CCDC121: variants seen among roughly 807,000 people sequenced by gnomAD.
The protein encoded by CCDC121 is coiled-coil domain containing 121.
For missense variants in CCDC121, 238 were observed against 304.1 expected, an observed-to-expected ratio of 0.78 and a Z score of 1.62; for synonymous variants, 108 against 120.0, an observed-to-expected ratio of 0.90 and a Z score of 0.65.
intron 1 of CCDC121, 112 bp downstream of exon 1, chr2:27,628,838 C>T: frequency 6.8e-7 from 1 of 1,472,396 alleles, no homozygotes; most frequent in Non-Finnish European, 9.0e-7. Context: ...TAGCTCCCTT[C>T]AGCCTTCCTC....
In CCDC121 at chr2:27,628,974, G is replaced by A. The variant is rs775337781; in HGVS notation, c.-143C>T. 3 of 1,585,114 alleles carry A rather than the reference G, an allele frequency of 1.9e-6. No individual in the cohort carries two copies. Among genetic ancestry groups the A allele is most frequent in the Non-Finnish European group, 2.6e-6 (3 of 1,165,264 alleles). On this transcript the variant is annotated 5_prime_UTR_variant, in exon 1 of 2. Coordinates refer to ENST00000324364, the MANE Select transcript of CCDC121 (RefSeq NM_024584.5). ...CCCGCTCCTTTCTGACGCTGTGGTG[G>A]TTTTCGTTCGCAGCCCAGAACATTG...
At position 27,628,627 on chromosome 2, in the gene CCDC121, T is replaced by G. The variant is rs1360765870; in HGVS notation, c.-119+323A>C. On this transcript the variant is annotated intron_variant, in intron 1 of 1. Coordinates refer to ENST00000324364, the MANE Select transcript of CCDC121 (RefSeq NM_024584.5). ...AGTCCCGGCTGGTCCAGCCCTGAACTGTTTAACCGCCTCGGCTACCGAATA... is the reference window on the plus strand; with the variant it reads ...AGTCCCGGCTGGTCCAGCCCTGAACGGTTTAACCGCCTCGGCTACCGAATA... 4.3e-5 allele frequency: 66 copies of G among 1,551,320 alleles called. No individual in the cohort carries two copies. Among genetic ancestry groups the G allele is most frequent in the Non-Finnish European group, 5.7e-5 (65 of 1,146,800 alleles).
intron 1 of CCDC121, among the ~76,000 whole-genome samples, 169 bp from the exon 2 acceptor site, chr2:27,628,086 G>C (rs1229782357): frequency 2.0e-5 from 3 of 152,158 alleles, no homozygotes; most frequent in African/African-American, 7.2e-5. Context: ...AATGTAGCTC[G>C]TCATTTACAA....
Position 27,627,794 on chromosome 2 carries a change from C to T in CCDC121, c.6G>A (p.Thr2=), listed in dbSNP as rs780680207. M[T]DLNKHIKQAQ... is the part of the protein sequence containing the mutation. ...CTTGTTTTATATGCTTGTTCAGATC[C>T]GTCATTTCCGCCACTATCTTTTCTT... is the stretch of plus-strand genomic sequence containing the variant. The change falls in exon 2 of 2, where the codon ACG becomes ACA. Residue 2 remains threonine (T), a synonymous_variant. Coordinates refer to ENST00000324364, the MANE Select transcript of CCDC121 (RefSeq NM_024584.5). 1.2e-6 allele frequency: 2 copies of T among 1,613,432 alleles called. No individual in the cohort carries two copies. The highest frequency in any genetic ancestry group is 2.7e-5 in the African/African-American group (2 of 74,830).
Position 27,627,885 on chromosome 2 carries a change from G to A in CCDC121, c.-86C>T, listed in dbSNP as rs762903530. ...AAAATTATTTATTAGACTATGATAC[G>A]GTGGAAGGAGCCTTCTGGGGCCCTC... On this transcript the variant is annotated 5_prime_UTR_variant, in exon 2 of 2. Transcript: ENST00000324364. 2.5e-6 allele frequency: 4 copies of A among 1,613,566 alleles called. No individual in the cohort carries two copies. Among genetic ancestry groups the A allele is most frequent in the Admixed American group, 3.3e-5 (2 of 59,970 alleles).
rs552420829 is a variant in CCDC121 at position 27,626,703 on chromosome 2, G to A, written c.*260C>T. ...AGTTTGATGTATGGTAAATGGCTAG[G>A]TTAGGGTCATGTGTTAGGTTAACTG... On this transcript the variant is annotated 3_prime_UTR_variant, in exon 2 of 2. Coordinates refer to ENST00000324364, the MANE Select transcript of CCDC121 (RefSeq NM_024584.5). The A allele has an allele frequency of 2.4e-5, 9 of 377,960 alleles. No homozygotes were observed. Among genetic ancestry groups the A allele is most frequent in the African/African-American group, 1.7e-4 (8 of 48,360 alleles). 23.4% of individuals were successfully genotyped at this position (377,960 alleles called of 1,614,324 possible).
Position 27,627,570 on chromosome 2 carries a change from G to C in CCDC121, c.230C>G (p.Ser77Cys). 1 of 1,614,122 alleles carries C rather than the reference G, an allele frequency of 6.2e-7. No individual in the cohort carries two copies. The highest frequency in any genetic ancestry group is 8.5e-7 in the Non-Finnish European group (1 of 1,180,010). ...EIERRRQESA[S>C]RYAEQISVLK... is the part of the protein sequence containing the mutation. ...CACTGAAATTTGTTCTGCATATCTG[G>C]AGGCTGATTCTTGTCTTCTTCGTTC... Residue 77 changes from serine to cysteine, a missense_variant, in exon 2 of 2, where the codon TCC becomes TGC. Coordinates refer to ENST00000324364, the MANE Select transcript of CCDC121 (RefSeq NM_024584.5).
chr2:27,627,089 C>T lies in CCDC121; in HGVS notation c.711G>A (p.Leu237=), dbSNP rs539849875. ...TCTGCCTCGCCTGGATTAAGGACTC[C>T]AGATACCACTGTTCCTGCTGCAGCT... is the stretch of plus-strand genomic sequence containing the variant. ...KQQLQQEQWY[L]ESLIQARQRL... is the part of the protein sequence containing the mutation. Residue 237 remains leucine (L), a synonymous_variant, in exon 2 of 2, where the codon CTG becomes CTA. Coordinates refer to ENST00000324364, the MANE Select transcript of CCDC121 (RefSeq NM_024584.5). 16 of 1,614,146 alleles carry T rather than the reference C, an allele frequency of 9.9e-6. No individual in the cohort carries two copies. The highest frequency in any genetic ancestry group is 2.2e-5 in the South Asian group (2 of 91,078).
In CCDC121 at chr2:27,628,531, CGTA is replaced by C. The variant is rs1269889769; in HGVS notation, c.-119+416_-119+418del. ...ACAATGTGCAAGTGTGGAAAGCTCC[CGTA>C]GTTTATTCGTTCGGTGCTCAAAGGG... On this transcript the variant is annotated intron_variant, in intron 1 of 1. Transcript: ENST00000324364. The C allele has an allele frequency of 1.2e-5, 18 of 1,551,448 alleles. No individual in the cohort carries two copies. In the African/African-American group the frequency reaches 1.6e-4, roughly 14 times the overall value.
At position 27,627,413 on chromosome 2, in the gene CCDC121, CTT is replaced by C. The variant is rs745427872; in HGVS notation, c.385_386del (p.Lys129GlufsTer5). 1.9e-6 allele frequency: 3 copies of C among 1,614,162 alleles called. No homozygotes were observed. In the South Asian group the frequency reaches 3.3e-5, roughly 18 times the overall value. ...KEIQTLQEET[K>X]KVQAETASKT... ...TTGAAGCTGTCTCAGCTTGGACTTT[CTT>C]TGTCTCCTCCTGTAATGTCTGTATT... On this transcript the variant is annotated frameshift_variant, in exon 2 of 2. Coordinates refer to ENST00000324364, the MANE Select transcript of CCDC121 (RefSeq NM_024584.5). LOFTEE classifies it low-confidence loss of function (END_TRUNC).
chr2:27,627,473 G>A lies in CCDC121; in HGVS notation c.327C>T (p.Asp109=). 4 of 1,614,064 alleles carry A rather than the reference G, an allele frequency of 2.5e-6. No individual in the cohort carries two copies. The highest frequency in any genetic ancestry group is 1.7e-5 in the Admixed American group (1 of 60,018). The change falls in exon 2 of 2, where the codon GAC becomes GAT. Residue 109 remains aspartate (D), a synonymous_variant. Coordinates refer to ENST00000324364, the MANE Select transcript of CCDC121 (RefSeq NM_024584.5). ...CCTGCTTTTCCTTTAATATAGCAAT[G>A]TCCCTCATTGCCTGCAACTTCCGCT... The part of the protein sequence containing the change: ...SLKRKLQAMR[D]IAILKEKQEK...
chr2:27,628,191 C>A (rs13431597), intron 1 of CCDC121: 13 of 638,858 alleles, frequency 2.0e-5, no homozygotes, highest in Non-Finnish European at 3.5e-5. Context: ...ATGACTCACA[C>A]CACTAGCAAG....
chr2:27,627,696 T>G lies in CCDC121; in HGVS notation c.104A>C (p.Glu35Ala). The G allele has an allele frequency of 6.2e-7, 1 of 1,613,998 alleles. No individual in the cohort carries two copies. Among genetic ancestry groups the G allele is most frequent in the Non-Finnish European group, 8.5e-7 (1 of 1,180,012 alleles). ...CAGGTATTCCAGAAAGAATCTGTTT[T>G]CAGCCTGGACAAGTAACTTTTCTCG... ...LHREKLLVQAENRFFLEYLTN... is the reference protein window; with the variant it reads ...LHREKLLVQAANRFFLEYLTN... Residue 35 changes from glutamate (E) to alanine (A), a missense_variant, in exon 2 of 2, where the codon GAA (glutamate) becomes GCA (alanine). Physicochemically the swap from Glu to Ala is moderately radical, Grantham distance 107. Transcript: ENST00000324364.
chr2:27,627,833 T>C lies in CCDC121; in HGVS notation c.-34A>G, dbSNP rs1450973969. 1 of 1,614,240 alleles carries C rather than the reference T, an allele frequency of 6.2e-7. No individual in the cohort carries two copies. Among genetic ancestry groups the C allele is most frequent in the Admixed American group, 1.7e-5 (1 of 60,030 alleles). On this transcript the variant is annotated 5_prime_UTR_variant, in exon 2 of 2. Transcript: ENST00000324364. ...CTATCTTTTCTTTAAGCCTTGTCTC[T>C]ACCTTTGTTAGCTTCTCTGGCTTGA... is the stretch of plus-strand genomic sequence containing the variant.
rs1357190613 is a variant in CCDC121, at chr2:27,626,934, T to G, written c.*29A>C. 4 of 1,496,666 alleles carry G rather than the reference T, an allele frequency of 2.7e-6. No individual in the cohort carries two copies. Among genetic ancestry groups the G allele is most frequent in the Non-Finnish European group, 3.7e-6 (4 of 1,094,836 alleles). 92.7% of individuals were successfully genotyped at this position (1,496,666 alleles called of 1,614,324 possible). On this transcript the variant is annotated 3_prime_UTR_variant, in exon 2 of 2. Coordinates refer to ENST00000324364, the MANE Select transcript of CCDC121 (RefSeq NM_024584.5). ...TAGCACTTAAGAGTACTTGCTCCAGTTCTTATTTAATCAGTGTTATTTTAG... is the reference window on the plus strand; with the variant it reads ...TAGCACTTAAGAGTACTTGCTCCAGGTCTTATTTAATCAGTGTTATTTTAG...
In CCDC121 at chr2:27,627,603, C is replaced by T; in HGVS notation, c.197G>A (p.Gly66Glu). The change falls in exon 2 of 2, where the codon GGA (glycine) becomes GAA (glutamate). Residue 66 changes from glycine (G) to glutamate (E), a missense_variant. Transcript: ENST00000324364. ...KVWNSYLQKS[G>E]EIERRRQESA... ...TTCTTGTCTTCTTCGTTCAATCTCT[C>T]CACTTTTTTGTAAATAGCTGTTCCA... is the stretch of plus-strand genomic sequence containing the variant. 4.3e-6 allele frequency: 7 copies of T among 1,614,134 alleles called. No individual in the cohort carries two copies. The highest frequency in any genetic ancestry group is 5.9e-6 in the Non-Finnish European group (7 of 1,180,036).
chr2:27,626,390 G>T lies in CCDC121; in HGVS notation c.*573C>A, dbSNP rs1673279376. On this transcript the variant is annotated 3_prime_UTR_variant, in exon 2 of 2. Transcript: ENST00000324364. ...GTAGGGGCTTAGCATCAGATGAAAG[G>T]TCACTCTGCCTAGCACTTACTGGAC... The T allele has an allele frequency of 6.6e-6, 1 of 152,298 alleles. No homozygotes were observed. Among genetic ancestry groups the T allele is most frequent in the Non-Finnish European group, 1.5e-5 (1 of 68,044 alleles). The allele number at this position is 152,298 out of a possible 1,614,324, so 9.4% of individuals were successfully genotyped here.
At position 27,627,713 on chromosome 2, in the gene CCDC121, C is replaced by G. The variant is rs1289585201; in HGVS notation, c.87G>C (p.Lys29Asn). 13 of 1,613,940 alleles carry G rather than the reference C, an allele frequency of 8.1e-6. No homozygotes were observed. Among genetic ancestry groups the G allele is most frequent in the Non-Finnish European group, 1.1e-5 (13 of 1,180,008 alleles). ...ATCTGTTTTCAGCCTGGACAAGTAA[C>G]TTTTCTCGGTGTAGCTCCCTGGATT... ...LEESRELHRE[K>N]LLVQAENRFF... The change falls in exon 2 of 2, where the codon AAG (lysine) becomes AAC (asparagine). Residue 29 changes from lysine (K) to asparagine (N), a missense_variant. Lys to Asn is a moderately conservative substitution (Grantham distance 94). Transcript: ENST00000324364.
At chr2:27,628,316 CT>C in intron 1 of CCDC121, 1 of 1,353,336 alleles carries the variant, frequency 7.4e-7, no homozygotes, top group South Asian at 1.5e-5. Context: ...TTTCTAGGCT[CT>C]TTCATCATCT....
Sources: allele counts gnomAD v4.1 joint callset (sites outside exome capture counted in the v4.1 genomes callset), GRCh38; gene constraint gnomAD v4.1.1; transcripts MANE v1.5; gene names NCBI Gene and HGNC (gene_info 2026-07-23, HGNC 2026-07-21).